The following MCM10 variants were observed in gnomAD, a reference collection of about 807,000 sequenced individuals.
The protein encoded by MCM10 is minichromosome maintenance 10 replication initiation factor.
In MCM10, 91 loss-of-function variants were observed where a neutral mutation model predicts 109.9. The observed-to-expected ratio is 0.83, with a 90% confidence interval of 0.70 to 0.99. MCM10 has a LOEUF of 0.99. Ranked by LOEUF, MCM10 falls within the 50% of genes least tolerant of loss-of-function variation. The pLI is 0.00. For missense variants in MCM10, 1,077 were observed against 1,061.2 expected, an observed-to-expected ratio of 1.01 and a Z score of -0.21; for synonymous variants, 380 against 387.2, an observed-to-expected ratio of 0.98 and a Z score of 0.22.
chr10:13,167,264 A>C (rs1834013716), intron 2 of MCM10, among the ~76,000 whole-genome samples: 1 of 152,216 alleles, frequency 6.6e-6, no homozygotes, highest in Non-Finnish European at 1.5e-5. Context: ...ACATGGATCC[A>C]CAGGGAGGGC....
chr10:13,200,179 C>T (rs1834478650), intron 16 of MCM10, among the ~76,000 whole-genome samples: 1 of 151,824 alleles, frequency 6.6e-6, no homozygotes, highest in South Asian at 2.1e-4. Context: ...TTGGAATGGT[C>T]AACATAGGTT....
At chr10:13,184,047 C>T (rs1477318898) in intron 8 of MCM10, among the ~76,000 whole-genome samples, 3 of 151,910 alleles carry the variant, frequency 2.0e-5, no homozygotes, top group Non-Finnish European at 4.4e-5. Context: ...TTATTAGAGA[C>T]GAGTTTTACC....
At chr10:13,175,727 T>C in intron 6 of MCM10, 46 bp downstream of exon 6, 4 of 1,391,820 alleles carry the variant, frequency 2.9e-6, no homozygotes, top group Non-Finnish European at 4.0e-6. Flanking sequence ...GCATAGCTTT[T>C]TGTGCCTCTC....
In MCM10 at chr10:13,191,423, A is replaced by T. The variant is rs1374492229; in HGVS notation, c.1516+24A>T. 3 of 1,587,920 alleles carry T rather than the reference A, an allele frequency of 1.9e-6. No homozygotes were observed. In the African/African-American group the frequency reaches 4.0e-5, roughly 21 times the overall value. ...CGGTAACTTTGTTTTTCCATAAGAAATTTCTTTCTCCAGTTTAATTATGCA... is the reference window on the plus strand; with the variant it reads ...CGGTAACTTTGTTTTTCCATAAGAATTTTCTTTCTCCAGTTTAATTATGCA... On this transcript the variant is annotated intron_variant, in intron 11 of 19. Transcript: ENST00000378714.
intron 6 of MCM10, 114 bp from the exon 7 acceptor site, chr10:13,180,328 C>G: frequency 1.3e-6 from 1 of 755,382 alleles, no homozygotes; most frequent in Non-Finnish European, 2.1e-6. Context: ...CTAAGCTTCC[C>G]AAGAACAGGT....
At chr10:13,169,039 A>C (rs1264240114) in intron 2 of MCM10, among the ~76,000 whole-genome samples, 1 of 152,228 alleles carries the variant, frequency 6.6e-6, no homozygotes, top group African/African-American at 2.4e-5. Flanking sequence ...AGGCGTGTTC[A>C]ACATGGCGGC....
chr10:13,188,808 G>C, intron 9 of MCM10, 73 bp from the exon 10 acceptor site: 1 of 1,299,802 alleles, frequency 7.7e-7, no homozygotes, highest in Non-Finnish European at 1.1e-6. Flanking sequence ...GTGGGGAGAA[G>C]GAACTGTGTC....
chr10:13,199,777 A>G (rs1220423725), intron 16 of MCM10, among the ~76,000 whole-genome samples: 1 of 152,244 alleles, frequency 6.6e-6, no homozygotes, highest in African/African-American at 2.4e-5. Flanking sequence ...AATGAGCCAG[A>G]AATGGAGGCT....
chr10:13,191,898 TAATAAAATAAAAACA>T (rs1456004141), intron 11 of MCM10, among the ~76,000 whole-genome samples: 1 of 147,610 alleles, frequency 6.8e-6, no homozygotes, highest in Non-Finnish European at 1.5e-5. Context: ...AAAAAATTTT[TAATAAAATAAAAACA>T]AATAAAAACA....
intron 2 of MCM10, among the ~76,000 whole-genome samples, chr10:13,168,463 C>T (rs1223111350): frequency 1.3e-5 from 2 of 152,160 alleles, no homozygotes; most frequent in East Asian, 1.9e-4. Flanking sequence ...TGATCTGTTT[C>T]TCCATGTGAT....
rs552335031 is a variant in MCM10, at chr10:13,188,802, G to A, written c.1216-79G>A. On this transcript the variant is annotated intron_variant, in intron 9 of 19. Transcript: ENST00000378714. ...GCATGCGTCATGTTCCGGGAAGTGGGGAGAAGGAACTGTGTCTGCTCACTG... is the reference window on the plus strand; with the variant it reads ...GCATGCGTCATGTTCCGGGAAGTGGAGAGAAGGAACTGTGTCTGCTCACTG... 2.8e-5 allele frequency: 35 copies of A among 1,236,966 alleles called. 1 individual carries two copies. The South Asian group carries it at 4.1e-4, about 14-fold the overall frequency. 76.6% of individuals were successfully genotyped at this position (1,236,966 alleles called of 1,614,324 possible).
chr10:13,183,009 A>G lies in MCM10; in HGVS notation c.1007A>G (p.Glu336Gly). 1.9e-6 allele frequency: 3 copies of G among 1,614,124 alleles called. No homozygotes were observed. The highest frequency in any genetic ancestry group is 2.5e-6 in the Non-Finnish European group (3 of 1,180,006). ...TGTGTGTCCTTGTTCTTATTTGGAG[A>G]AGTTCACAAAGCGCTCTGGAAGACG... is the stretch of plus-strand genomic sequence containing the variant. ...TQCVSLFLFG[E>G]VHKALWKTEQ... is the part of the protein sequence containing the mutation. Residue 336 changes from glutamate (E) to glycine (G), a missense_variant, in exon 8 of 20, where the codon GAA becomes GGA. By Grantham distance (98) the Glu-to-Gly change is moderately conservative (BLOSUM62 -2). Coordinates refer to ENST00000378714, the MANE Select transcript of MCM10 (RefSeq NM_018518.5).
At position 13,193,089 on chromosome 10, in the gene MCM10, A is replaced by G. The variant is rs116392131; in HGVS notation, c.1745+521A>G. On this transcript the variant is annotated intron_variant, in intron 13 of 19. Transcript: ENST00000378714. ...TTTTATAGAGACTGGGTTTTGCCAT[A>G]TTGCCCAAGCTGGTCTCAAATTCCT... Among the ~76,000 whole-genome samples the G allele has an allele frequency of 3.6e-3, 541 of 151,922 alleles. 2 individuals carry two copies. The highest frequency in any genetic ancestry group is 0.012 in the African/African-American group (512 of 41,434).
chr10:13,188,788 G>A (rs1420148564), intron 9 of MCM10, 93 bp from the exon 10 acceptor site: 1 of 1,104,996 alleles, frequency 9.0e-7, no homozygotes, highest in Non-Finnish European at 1.4e-6. Context: ...CATGCGTCAT[G>A]TTCCGGGAAG....
intron 6 of MCM10, among the ~76,000 whole-genome samples, chr10:13,178,276 A>G (rs2131565340): frequency 6.6e-6 from 1 of 152,312 alleles, no homozygotes; most frequent in Admixed American, 6.5e-5. Context: ...TTGTATTTTT[A>G]GTAGAAACCG....
chr10:13,198,873 G>A, intron 16 of MCM10, 66 bp downstream of exon 16: 1 of 1,012,530 alleles, frequency 9.9e-7, no homozygotes, highest in Non-Finnish European at 1.5e-6. Context: ...GGTGCTAGCT[G>A]TAGGACCAAG....
In MCM10 at chr10:13,210,042, A is replaced by T. The variant is rs940372821; in HGVS notation, c.*732A>T. 6.7e-6 allele frequency: 1 copy of T among 148,522 alleles called. No homozygotes were observed. Among genetic ancestry groups the T allele is most frequent in the African/African-American group, 2.4e-5 (1 of 40,930 alleles). 9.2% of individuals were successfully genotyped at this position (148,522 alleles called of 1,614,324 possible). A position where few individuals can be genotyped will look rare whatever the true frequency, so the allele number is the denominator to read the frequency against. On this transcript the variant is annotated 3_prime_UTR_variant, in exon 20 of 20. Transcript: ENST00000378714. Reference sequence around the variant, plus strand: ...GTGATAGAAATATGTAAAATCTCATATTATTTTTTTTTTAATTTTTTTATT... The same window carrying T: ...GTGATAGAAATATGTAAAATCTCATTTTATTTTTTTTTTAATTTTTTTATT...
rs1209050498 is a variant in MCM10, at chr10:13,204,130, G to A, written c.2353-89G>A. On this transcript the variant is annotated intron_variant, in intron 17 of 19. Transcript: ENST00000378714. ...CCAGGTAGTGATGAGAGACCAGGTG[G>A]TCATGGAGCAGATTGCCCTTACTGC... is the stretch of plus-strand genomic sequence containing the variant. 21 of 1,494,122 alleles carry A rather than the reference G, an allele frequency of 1.4e-5. No homozygotes were observed. The African/African-American group carries it at 2.8e-4, about 20-fold the overall frequency. 92.6% of individuals were successfully genotyped at this position (1,494,122 alleles called of 1,614,324 possible).
intron 16 of MCM10, among the ~76,000 whole-genome samples, chr10:13,199,925 A>G (rs1245772680): frequency 2.6e-5 from 4 of 152,172 alleles, no homozygotes; most frequent in Non-Finnish European, 5.9e-5. Flanking sequence ...GGCTCAAGCA[A>G]TTCTCATACC....
Sources: allele counts gnomAD v4.1 joint callset (sites outside exome capture counted in the v4.1 genomes callset), GRCh38; gene constraint gnomAD v4.1.1; transcripts MANE v1.5; gene names NCBI Gene and HGNC (gene_info 2026-07-23, HGNC 2026-07-21).